The following PPM1K variants were observed in gnomAD, a reference collection of about 807,000 sequenced individuals.
The protein encoded by PPM1K is protein phosphatase Mn(2+)-dependent 1K.
In PPM1K, 19 loss-of-function variants were observed where a neutral mutation model predicts 32.6. The ratio of observed to expected loss-of-function variants is 0.58; its 90% CI spans 0.41 to 0.86. PPM1K has a LOEUF of 0.86. PPM1K is among the 40% of genes least tolerant of loss of function. The pLI is 0.00. For missense variants in PPM1K, 362 were observed against 461.2 expected (o/e 0.78, Z 1.97); for synonymous variants, 159 against 165.3 (o/e 0.96, Z 0.29).
At chr4:88,279,955 T>C (rs566092011) in intron 1 of PPM1K, among the ~76,000 whole-genome samples, 3 of 152,174 alleles carry the variant, frequency 2.0e-5, no homozygotes, top group African/African-American at 7.2e-5. Context: ...AGTGCAGTTA[T>C]GAGAAAATGC....
At chr4:88,277,392 T>A (rs1578322088) in intron 2 of PPM1K, 149 bp from the exon 3 acceptor site, 1 of 605,630 alleles carries the variant, frequency 1.7e-6, no homozygotes, top group Non-Finnish European at 3.0e-6. Context: ...GGAATACCTA[T>A]TGAGAATCCA....
At chr4:88,267,574 G>T (rs933914527) in intron 5 of PPM1K, among the ~76,000 whole-genome samples, 7 of 152,242 alleles carry the variant, frequency 4.6e-5, no homozygotes, top group Non-Finnish European at 1.0e-4. Flanking sequence ...CTAAAGTCAA[G>T]TCACTGAAAA....
rs1251879969 is a variant in PPM1K at position 88,258,659 on chromosome 4, T to C, written c.*3936A>G. On this transcript the variant is annotated 3_prime_UTR_variant, in exon 7 of 7. Coordinates refer to ENST00000608933, the MANE Select transcript of PPM1K (RefSeq NM_152542.5). ...AAAAAAAATTCCATCTTTTAGATTA[T>C]GTGCTAATAATTCTCTTTTAAGTGT... 1.3e-5 allele frequency: 2 copies of C among 151,864 alleles called. No individual in the cohort carries two copies. Among genetic ancestry groups the C allele is most frequent in the Non-Finnish European group, 2.9e-5 (2 of 67,984 alleles). 9.4% of individuals were successfully genotyped at this position (151,864 alleles called of 1,614,324 possible).
At chr4:88,281,644 A>AAAAAC (rs1553906532) in intron 1 of PPM1K, among the ~76,000 whole-genome samples, 2 of 151,820 alleles carry the variant, frequency 1.3e-5, no homozygotes, top group African/African-American at 2.4e-5. Flanking sequence ...TAGTTTATAA[A>AAAAAC]AAACAAACAA....
rs112065741 is a variant in PPM1K at position 88,268,128 on chromosome 4, G to A, written c.852+62C>T. 2,446 of 1,552,864 alleles carry A rather than the reference G, an allele frequency of 1.6e-3. 35 individuals are homozygous for A. In the African/African-American group the frequency reaches 0.029, roughly 18 times the overall value. On this transcript the variant is annotated intron_variant, in intron 5 of 6. Transcript: ENST00000608933. ...AGTTAAGGCTTCCAAGAAAGGTGCA[G>A]CAGAGACAATCCTACATTCACTCTC...
intron 2 of PPM1K, 103 bp from the exon 3 acceptor site, chr4:88,277,346 G>C: frequency 1.3e-6 from 1 of 748,180 alleles, no homozygotes. Context: ...CGGGCCTCAG[G>C]ATTTTCCTGT....
At chr4:88,275,014 G>A (rs1354610317) in intron 3 of PPM1K, 3 of 736,858 alleles carry the variant, frequency 4.1e-6, no homozygotes, top group Non-Finnish European at 5.0e-6. Flanking sequence ...TTTTCTTTTA[G>A]TACACACTAA....
At position 88,278,894 on chromosome 4, in the gene PPM1K, T is replaced by G. The variant is rs773147626; in HGVS notation, c.-59-252A>C. ...AAATGAATCGATTTTCCTACCGCAT[T>G]CACAGCATTTAAATTCTATAAAAAT... On this transcript the variant is annotated intron_variant, in intron 1 of 6. Coordinates refer to ENST00000608933, the MANE Select transcript of PPM1K (RefSeq NM_152542.5). This position sits in a 1 kb window ranked among gnomAD's most constrained non-coding sequence, Gnocchi z 4.2. 3.0e-5 allele frequency: 9 copies of G among 301,830 alleles called. No individual in the cohort carries two copies. Among genetic ancestry groups the G allele is most frequent in the Non-Finnish European group, 5.6e-5 (9 of 160,560 alleles). The allele number at this position is 301,830 out of a possible 1,614,324, so 18.7% of individuals were successfully genotyped here. A position where few individuals can be genotyped will look rare whatever the true frequency, so the allele number is the denominator to read the frequency against.
At position 88,260,618 on chromosome 4, in the gene PPM1K, C is replaced by A. The variant is rs955591114; in HGVS notation, c.*1977G>T. 6.6e-6 allele frequency: 1 copy of A among 151,892 alleles called. No homozygotes were observed. The highest frequency in any genetic ancestry group is 1.5e-5 in the Non-Finnish European group (1 of 67,990). 9.4% of individuals were successfully genotyped at this position (151,892 alleles called of 1,614,324 possible). A position where few individuals can be genotyped will look rare whatever the true frequency, so the allele number is the denominator to read the frequency against. ...AAAAAAAATCAAAATATTTATTTAG[C>A]ACTTTTTTCAAAGGGCAATTCCTGA... is the stretch of plus-strand genomic sequence containing the variant. On this transcript the variant is annotated 3_prime_UTR_variant, in exon 7 of 7. Coordinates refer to ENST00000608933, the MANE Select transcript of PPM1K (RefSeq NM_152542.5).
At chr4:88,273,473 G>A (rs1168907553) in intron 3 of PPM1K, among the ~76,000 whole-genome samples, 2 of 152,144 alleles carry the variant, frequency 1.3e-5, no homozygotes, top group East Asian at 3.8e-4. Flanking sequence ...CCAAGGTCGG[G>A]AGTTAGAGAC....
chr4:88,261,864 ATTTTTTTTTTTTTTTT>A lies in PPM1K; in HGVS notation c.*715_*730del, dbSNP rs56695048. The A allele has an allele frequency of 1.3e-5, 1 of 74,648 alleles. No homozygotes were observed. The highest frequency in any genetic ancestry group is 2.4e-5 in the Non-Finnish European group (1 of 40,894). The allele number at this position is 74,648 out of a possible 1,614,324, so 4.6% of individuals were successfully genotyped here. A position where few individuals can be genotyped will look rare whatever the true frequency, so the allele number is the denominator to read the frequency against. On this transcript the variant is annotated 3_prime_UTR_variant, in exon 7 of 7. Transcript: ENST00000608933. The stretch of plus-strand genomic sequence containing the variant: ...AGGTGTCTGCCACCACGCCCAGCCA[ATTTTTTTTTTTTTTTT>A]TTTTTTTTTTTTGGATTTTTACTAG...
At chr4:88,266,633 T>TGTTG (rs1405110760) in intron 5 of PPM1K, among the ~76,000 whole-genome samples, 4 of 141,794 alleles carry the variant, frequency 2.8e-5, no homozygotes, top group African/African-American at 5.4e-5. Flanking sequence ...GTGCAGGTGA[T>TGTTG]GCTGATTGGG....
intron 5 of PPM1K, among the ~76,000 whole-genome samples, chr4:88,266,186 A>G (rs1478591098): frequency 6.6e-6 from 1 of 152,272 alleles, no homozygotes; most frequent in African/African-American, 2.4e-5. Context: ...AGCCTACACT[A>G]TACTGTGCTA....
At chr4:88,275,449 T>C (rs544593926) in intron 3 of PPM1K, 1 of 985,278 alleles carries the variant, frequency 1.0e-6, no homozygotes, top group South Asian at 4.7e-5. Flanking sequence ...TATACTTCAT[T>C]CAATAATAAA....
chr4:88,275,706 C>G (rs1731741536), intron 3 of PPM1K: 1 of 985,228 alleles, frequency 1.0e-6, no homozygotes, highest in South Asian at 4.7e-5. Flanking sequence ...TGAGACATAG[C>G]CAGATGCACA....
At chr4:88,273,173 A>G (rs1731630881) in intron 3 of PPM1K, among the ~76,000 whole-genome samples, 1 of 152,234 alleles carries the variant, frequency 6.6e-6, no homozygotes, top group Non-Finnish European at 1.5e-5. Flanking sequence ...TTCACTTAAG[A>G]AAGTTAATAT....
At chr4:88,280,191 T>C (rs1290683116) in intron 1 of PPM1K, among the ~76,000 whole-genome samples, 1 of 152,180 alleles carries the variant, frequency 6.6e-6, no homozygotes, top group African/African-American at 2.4e-5. Flanking sequence ...TCCTCCCACC[T>C]CAGCCTCCCA....
chr4:88,277,848 A>G (rs1731845178), intron 2 of PPM1K: 1 of 445,062 alleles, frequency 2.2e-6, no homozygotes, highest in African/African-American at 2.0e-5. Context: ...ATGGGAGTAA[A>G]TGCTTCTCAT....
chr4:88,276,888 C>T (rs921021229), intron 3 of PPM1K: 9 of 893,034 alleles, frequency 1.0e-5, no homozygotes, highest in Non-Finnish European at 1.3e-5. Context: ...TAAAGTACAA[C>T]ATCAGAACTG....
Sources: gnomAD v4.1 joint callset for allele counts (sites outside exome capture counted in the v4.1 genomes callset) on GRCh38, gnomAD v4.1.1 for gene constraint, Gnocchi (gnomAD v3.1) non-coding constraint, MANE v1.5 for transcripts, NCBI Gene and HGNC (gene_info 2026-07-23, HGNC 2026-07-21) for gene names.